The following KCNK1 variants were observed in gnomAD, a reference collection of about 807,000 sequenced individuals.
The protein encoded by KCNK1 is potassium channel subfamily K member 1.
In KCNK1, 10 loss-of-function variants were observed where a neutral mutation model predicts 22.2. The ratio of observed to expected loss-of-function variants is 0.45; its 90% CI spans 0.28 to 0.76. The LOEUF (loss-of-function observed/expected upper bound fraction) is 0.76, where lower values mean the gene tolerates loss of function less well. Ranked by LOEUF, KCNK1 falls within the 30% of genes least tolerant of loss-of-function variation. The pLI is 0.14. For synonymous variants in KCNK1, 200 were observed against 186.4 expected (o/e 1.07, Z -0.60); for missense variants, 378 against 421.0 (o/e 0.90, Z 0.89).
chr1:233,633,709 C>A (rs867530570), intron 1 of KCNK1, among the ~76,000 whole-genome samples: 10 of 151,782 alleles, frequency 6.6e-5, no homozygotes, highest in South Asian at 2.1e-4. Context: ...ATGTTTTTTT[C>A]ATTTTAGGAG....
intron 1 of KCNK1, among the ~76,000 whole-genome samples, chr1:233,645,710 A>G (rs1213991809): frequency 6.6e-6 from 1 of 152,186 alleles, no homozygotes; most frequent in Non-Finnish European, 1.5e-5. Flanking sequence ...GGAAACGAAT[A>G]CCAGTGTCTC....
Position 233,635,186 on chromosome 1 carries a change from C to G in KCNK1, c.355+20660C>G, listed in dbSNP as rs190739708. ...AATTTGTGAAAGGAAAAATTATCAT[C>G]TTTTTTATATAAATGTTTTATGTAT... On this transcript the variant is annotated intron_variant, in intron 1 of 2. Transcript: ENST00000366621. Among the ~76,000 whole-genome samples, 442 of 152,206 alleles carry G rather than the reference C, an allele frequency of 2.9e-3. 1 individual carries two copies. Among genetic ancestry groups the G allele is most frequent in the African/African-American group, 0.01 (417 of 41,532 alleles).
chr1:233,666,946 G>A lies in KCNK1; in HGVS notation c.707G>A (p.Gly236Asp), dbSNP rs772040995. The A allele has an allele frequency of 2.8e-5, 45 of 1,613,310 alleles. No homozygotes were observed. The South Asian group carries it at 4.9e-4, about 18-fold the overall frequency. Residue 236 changes from glycine (G) to aspartate (D), a missense_variant, in exon 2 of 3, where the codon GGC becomes GAC. Transcript: ENST00000366621. Reference sequence around the variant, plus strand: ...CTGGGGGATTATGTGCCTGGGGAAGGCTACAATCAAAAATTCAGAGAGCTC... The same window carrying A: ...CTGGGGGATTATGTGCCTGGGGAAGACTACAATCAAAAATTCAGAGAGCTC... ...IGLGDYVPGE[G>D]YNQKFRELYK...
chr1:233,622,576 C>G (rs1195887642), intron 1 of KCNK1, among the ~76,000 whole-genome samples: 2 of 152,132 alleles, frequency 1.3e-5, no homozygotes, highest in African/African-American at 4.8e-5. Context: ...GTTCAATCCC[C>G]AAAGTTGGTG....
At chr1:233,665,000 GC>G (rs1206995416) in intron 1 of KCNK1, among the ~76,000 whole-genome samples, 1 of 152,164 alleles carries the variant, frequency 6.6e-6, no homozygotes, top group Non-Finnish European at 1.5e-5. Context: ...TAGCCACCAG[GC>G]CCCATGCCCA....
At chr1:233,631,194 A>C (rs1351085479) in intron 1 of KCNK1, 1 of 491,242 alleles carries the variant, frequency 2.0e-6, no homozygotes. Flanking sequence ...CTACGTGGTA[A>C]CTGCTAACTC....
At chr1:233,635,329 A>G (rs1389786649) in intron 1 of KCNK1, among the ~76,000 whole-genome samples, 2 of 152,194 alleles carry the variant, frequency 1.3e-5, no homozygotes, top group Non-Finnish European at 2.9e-5. Flanking sequence ...GGTCACACAT[A>G]TATTTTGAGT....
chr1:233,628,208 A>C (rs1657723045), intron 1 of KCNK1, among the ~76,000 whole-genome samples: 1 of 152,190 alleles, frequency 6.6e-6, no homozygotes. Context: ...CTGGCAAATC[A>C]AATTGTCATC....
At chr1:233,616,081 C>A (rs2102878865) in intron 1 of KCNK1, among the ~76,000 whole-genome samples, 1 of 152,260 alleles carries the variant, frequency 6.6e-6, no homozygotes, top group South Asian at 2.1e-4. Context: ...TCCTCTGTTC[C>A]TCAGATCATT....
rs773541954 is a variant in KCNK1, at chr1:233,614,275, T to C, written c.104T>C (p.Val35Ala). 4.3e-6 allele frequency: 7 copies of C among 1,613,478 alleles called. No homozygotes were observed. The change falls in exon 1 of 3, where the codon GTC (valine) becomes GCC (alanine). Residue 35 changes from valine (V) to alanine (A), a missense_variant. Transcript: ENST00000366621. Reference protein sequence around the residue: ...FLVLGYLLYLVFGAVVFSSVE... With the variant: ...FLVLGYLLYLAFGAVVFSSVE... ...GTGCTGGGCTACTTGCTCTACCTGGTCTTCGGCGCAGTGGTCTTCTCCTCG... is the reference window on the plus strand; with the variant it reads ...GTGCTGGGCTACTTGCTCTACCTGGCCTTCGGCGCAGTGGTCTTCTCCTCG...
rs568968629 is a variant in KCNK1 at position 233,671,502 on chromosome 1, C to T, written c.983C>T (p.Ala328Val). 1.9e-6 allele frequency: 3 copies of T among 1,614,106 alleles called. No individual in the cohort carries two copies. Among genetic ancestry groups the T allele is most frequent in the Admixed American group, 1.7e-5 (1 of 60,028 alleles). ...CCTTTTGTGGCCACCCAGTCATCTGCCTGCGTGGATGGCCCTGCAAACCAT... is the reference window on the plus strand; with the variant it reads ...CCTTTTGTGGCCACCCAGTCATCTGTCTGCGTGGATGGCCCTGCAAACCAT... ...NEPFVATQSS[A>V]CVDGPANH is the part of the protein sequence containing the mutation. The change falls in exon 3 of 3, where the codon GCC becomes GTC. Residue 328 changes from alanine (A) to valine (V), a missense_variant. Coordinates refer to ENST00000366621, the MANE Select transcript of KCNK1 (RefSeq NM_002245.4).
At position 233,666,615 on chromosome 1, in the gene KCNK1, T is replaced by C. The variant is rs769469479; in HGVS notation, c.376T>C (p.Leu126=). 26 of 1,610,690 alleles carry C rather than the reference T, an allele frequency of 1.6e-5. No individual in the cohort carries two copies. The East Asian group carries it at 5.4e-4, about 33-fold the overall frequency. ...STTGYGHTVP[L]SDGGKAFCII... ...TGCAGGTTATGGCCACACCGTGCCC[T>C]TGTCAGATGGAGGTAAGGCCTTCTG... The change falls in exon 2 of 3, where the codon TTG becomes CTG. Residue 126 remains leucine (L), a synonymous_variant. Transcript: ENST00000366621.
At position 233,614,452 on chromosome 1, in the gene KCNK1, G is replaced by C. The variant is rs754541882; in HGVS notation, c.281G>C (p.Ser94Thr). Residue 94 changes from serine to threonine, a missense_variant, in exon 1 of 3, where the codon AGC becomes ACC. Transcript: ENST00000366621. ...AGCAACTACGGCGTGTCGGTGCTCA[G>C]CAACGCCTCGGGCAACTGGAACTGG... ...EASNYGVSVL[S>T]NASGNWNWDF... 3.1e-6 allele frequency: 5 copies of C among 1,613,354 alleles called. No homozygotes were observed. Among genetic ancestry groups the C allele is most frequent in the Non-Finnish European group, 4.2e-6 (5 of 1,179,748 alleles).
At chr1:233,645,109 G>A (rs999037301) in intron 1 of KCNK1, among the ~76,000 whole-genome samples, 13 of 151,694 alleles carry the variant, frequency 8.6e-5, no homozygotes, top group African/African-American at 2.7e-4. Flanking sequence ...CAGGAGAATT[G>A]CTTGAACTCA....
chr1:233,614,265 C>A lies in KCNK1; in HGVS notation c.94C>A (p.Leu32Ile). Residue 32 changes from leucine (L) to isoleucine (I), a missense_variant, in exon 1 of 3, where the codon CTC becomes ATC. Coordinates refer to ENST00000366621, the MANE Select transcript of KCNK1 (RefSeq NM_002245.4). The part of the protein sequence containing the change: ...CFGFLVLGYL[L>I]YLVFGAVVFS... Reference sequence around the variant, plus strand: ...CGGCTTCCTGGTGCTGGGCTACTTGCTCTACCTGGTCTTCGGCGCAGTGGT... The same window carrying A: ...CGGCTTCCTGGTGCTGGGCTACTTGATCTACCTGGTCTTCGGCGCAGTGGT... 3 of 1,613,500 alleles carry A rather than the reference C, an allele frequency of 1.9e-6. No individual in the cohort carries two copies. Among genetic ancestry groups the A allele is most frequent in the Non-Finnish European group, 2.5e-6 (3 of 1,179,928 alleles).
intron 1 of KCNK1, among the ~76,000 whole-genome samples, chr1:233,623,309 G>T (rs1478469358): frequency 6.6e-6 from 1 of 152,104 alleles, no homozygotes; most frequent in Non-Finnish European, 1.5e-5. Context: ...GATGGGGAGA[G>T]ATTTGTTACA....
intron 1 of KCNK1, among the ~76,000 whole-genome samples, chr1:233,619,790 A>G (rs1657546468): frequency 6.6e-6 from 1 of 151,972 alleles, no homozygotes; most frequent in African/African-American, 2.4e-5. Flanking sequence ...CACACCTGTA[A>G]TCCCAGCTAC....
intron 1 of KCNK1, among the ~76,000 whole-genome samples, chr1:233,651,852 G>T (rs777448709): frequency 1.3e-5 from 2 of 152,172 alleles, no homozygotes; most frequent in Admixed American, 6.5e-5. Flanking sequence ...CCTCATCTCT[G>T]GCAGGCTGCT....
chr1:233,650,953 C>T (rs1240818336), intron 1 of KCNK1, among the ~76,000 whole-genome samples: 1 of 152,156 alleles, frequency 6.6e-6, no homozygotes, highest in East Asian at 1.9e-4. Flanking sequence ...GATGGAGGCT[C>T]AGAGGTTGGG....
Sources: allele counts gnomAD v4.1 joint callset (sites outside exome capture counted in the v4.1 genomes callset), GRCh38; gene constraint gnomAD v4.1.1; transcripts MANE v1.5; gene names NCBI Gene and HGNC (gene_info 2026-07-23, HGNC 2026-07-21).